The following NAV2 variants were observed in gnomAD, a reference collection of about 807,000 sequenced individuals.
The protein encoded by NAV2 is neuron navigator 2, also known as helicase, APC down-regulated 1.
In NAV2, 54 loss-of-function variants were observed where a neutral mutation model predicts 223.2. The observed-to-expected ratio is 0.24, with a 90% confidence interval of 0.19 to 0.30. NAV2 has a LOEUF of 0.30. NAV2 is among the 10% of genes least tolerant of loss of function. The pLI, the probability that NAV2 is intolerant of heterozygous loss-of-function variation, is 1.00. For synonymous variants in NAV2, 1,279 were observed against 1,239.3 expected (o/e 1.03, Z -0.67); for missense variants, 2,806 against 3,147.5 (o/e 0.89, Z 2.60).
intron 3 of NAV2, among the ~76,000 whole-genome samples, chr11:19,868,191 T>G (rs1176473815): frequency 6.6e-6 from 1 of 152,198 alleles, no homozygotes; most frequent in Non-Finnish European, 1.5e-5. Flanking sequence ...TTCTTTTACT[T>G]ATGGTACCCG....
At chr11:19,610,329 T>TTTCAAG (rs572463264) in intron 1 of NAV2, among the ~76,000 whole-genome samples, 236 of 152,302 alleles carry the variant, frequency 1.5e-3, no homozygotes, top group African/African-American at 5.4e-3. Flanking sequence ...ATAACCTATA[T>TTTCAAG]TTGGATGAGG....
chr11:19,779,276 G>A (rs924626899), intron 1 of NAV2, among the ~76,000 whole-genome samples: 3 of 152,182 alleles, frequency 2.0e-5, no homozygotes, highest in African/African-American at 7.2e-5. Context: ...AAGCCCTGAG[G>A]GAGTAGCAGT....
intron 1 of NAV2, among the ~76,000 whole-genome samples, chr11:19,638,802 G>A (rs2047575576): frequency 1.3e-5 from 2 of 152,098 alleles, no homozygotes; most frequent in Admixed American, 1.3e-4. Context: ...AGACCAGCCT[G>A]ACCAACACGG....
intron 1 of NAV2, among the ~76,000 whole-genome samples, chr11:19,451,901 A>C (rs1237493443): frequency 6.6e-6 from 1 of 152,242 alleles, no homozygotes; most frequent in African/African-American, 2.4e-5. Flanking sequence ...GGGCAAGGAC[A>C]GATCAGCAGG....
intron 10 of NAV2, among the ~76,000 whole-genome samples, chr11:19,975,432 A>G (rs1177804018): frequency 1.3e-5 from 2 of 152,358 alleles, no homozygotes; most frequent in South Asian, 2.1e-4. Context: ...CTTTCAAATT[A>G]AAATGCTCCT....
At chr11:20,025,363 T>G (rs1252014666) in intron 11 of NAV2, among the ~76,000 whole-genome samples, 1 of 152,226 alleles carries the variant, frequency 6.6e-6, no homozygotes, top group Non-Finnish European at 1.5e-5. Context: ...TATCTTCTGG[T>G]AAACAGAAAA....
At chr11:19,552,796 G>A (rs183121324) in intron 1 of NAV2, among the ~76,000 whole-genome samples, 5 of 152,070 alleles carry the variant, frequency 3.3e-5, no homozygotes, top group East Asian at 1.9e-4. Context: ...AGCTCTCTCC[G>A]AGGGGCTGTT....
At chr11:20,062,286 C>CTTTTTTTTTTT in intron 19 of NAV2, 21 bp from the exon 20 acceptor site, 1 of 1,380,296 alleles carries the variant, frequency 7.2e-7, no homozygotes, top group Non-Finnish European at 9.9e-7. Flanking sequence ...ATCAATTCAC[C>CTTTTTTTTTTT]TTTTTTTTTT....
At chr11:19,590,163 G>A (rs2046018715) in intron 1 of NAV2, among the ~76,000 whole-genome samples, 1 of 152,196 alleles carries the variant, frequency 6.6e-6, no homozygotes, top group African/African-American at 2.4e-5. Context: ...TTTTAGAGCT[G>A]CTGCGAGGAT....
In NAV2 at chr11:19,933,205, C is replaced by T; in HGVS notation, c.961C>T (p.Pro321Ser). The change falls in exon 7 of 38, where the codon CCC (proline) becomes TCC (serine). Residue 321 changes from proline to serine, a missense_variant. By Grantham distance (74) the Pro-to-Ser change is moderately conservative. Around this residue, in one of 4 missense-constraint regions of NAV2, gnomAD observed 1,167 missense variants for 1,180.5 expected, o/e 0.99. Coordinates refer to ENST00000349880, the MANE Select transcript of NAV2 (RefSeq NM_145117.5). The surrounding 1 kb of genome is among the most constrained non-coding windows in gnomAD (Gnocchi z 4.3). ...EPLASSASSH[P>S]GMSDNAPASL... ...TTTGGCAAGTTCAGCCTCCTCCCAC[C>T]CCGGAATGAGTGACAATGCACCTGC... 6.5e-7 allele frequency: 1 copy of T among 1,550,110 alleles called. No individual in the cohort carries two copies. Among genetic ancestry groups the T allele is most frequent in the Non-Finnish European group, 8.7e-7 (1 of 1,146,468 alleles).
At chr11:19,656,167 A>G (rs2048118852) in intron 1 of NAV2, among the ~76,000 whole-genome samples, 1 of 152,224 alleles carries the variant, frequency 6.6e-6, no homozygotes. Context: ...TCTAAATAGC[A>G]GATAGAAATG....
intron 22 of NAV2, among the ~76,000 whole-genome samples, chr11:20,074,617 C>T (rs1022041229): frequency 6.6e-6 from 1 of 152,054 alleles, no homozygotes; most frequent in Non-Finnish European, 1.5e-5. Flanking sequence ...CTGGGTGCTC[C>T]TGTTTTGGGT....
intron 32 of NAV2, among the ~76,000 whole-genome samples, chr11:20,101,760 C>T (rs1230997382): frequency 2.0e-5 from 3 of 152,144 alleles, no homozygotes; most frequent in Admixed American, 1.3e-4. Flanking sequence ...TAGATTGGCT[C>T]CTGCTTCACG....
chr11:19,860,824 C>T (rs1243069193), intron 3 of NAV2, among the ~76,000 whole-genome samples: 1 of 152,004 alleles, frequency 6.6e-6, no homozygotes, highest in Non-Finnish European at 1.5e-5. Flanking sequence ...CGGTTAGGAG[C>T]TGGAGACCAG....
chr11:19,824,177 A>G (rs1294876797), intron 1 of NAV2, among the ~76,000 whole-genome samples: 2 of 152,216 alleles, frequency 1.3e-5, no homozygotes, highest in Non-Finnish European at 2.9e-5. Flanking sequence ...TAATCTGTAA[A>G]GCAACTGTAT....
At chr11:19,461,722 A>G (rs986256318) in intron 1 of NAV2, among the ~76,000 whole-genome samples, 2 of 152,266 alleles carry the variant, frequency 1.3e-5, no homozygotes, top group African/African-American at 4.8e-5. Flanking sequence ...TAAAAATGAA[A>G]TAGGACAAAA....
chr11:19,834,784 A>G (rs1248852317), intron 2 of NAV2, among the ~76,000 whole-genome samples: 1 of 152,244 alleles, frequency 6.6e-6, no homozygotes, highest in Admixed American at 6.5e-5. Context: ...TTCCAGCTCC[A>G]TCCCTCCTGA....
At chr11:19,497,427 G>A (rs925550099) in intron 1 of NAV2, among the ~76,000 whole-genome samples, 2 of 152,202 alleles carry the variant, frequency 1.3e-5, no homozygotes, top group African/African-American at 4.8e-5. Flanking sequence ...GAACATGATG[G>A]AAGAAATGGT....
chr11:19,557,802 A>C (rs1250079751), intron 1 of NAV2, among the ~76,000 whole-genome samples: 1 of 152,236 alleles, frequency 6.6e-6, no homozygotes, highest in Non-Finnish European at 1.5e-5. Context: ...CAGATTCTCA[A>C]GCTGCATTCC....
Sources: gnomAD v4.1 joint callset for allele counts (sites outside exome capture counted in the v4.1 genomes callset) on GRCh38, gnomAD v4.1.1 for gene constraint, gnomAD v4.1.1 regional missense constraint, Gnocchi (gnomAD v3.1) non-coding constraint, MANE v1.5 for transcripts, NCBI Gene and HGNC (gene_info 2026-07-23, HGNC 2026-07-21) for gene names.